Variants in LARGE1 observed in about 807,000 individuals in gnomAD.
LARGE1 encodes LARGE xylosyl- and glucuronyltransferase 1, also known as xylosyl- and glucuronyltransferase LARGE1.
A neutral mutation model predicts 87.6 loss-of-function variants in LARGE1; 43 were observed. The observed-to-expected ratio is 0.49, with a 90% CI of 0.38 to 0.63. LARGE1 has a LOEUF of 0.63. Ranked by LOEUF, LARGE1 falls within the 30% of genes least tolerant of loss-of-function variation. The pLI, the probability that LARGE1 is intolerant of heterozygous loss-of-function variation, is 0.00. For synonymous variants in LARGE1, 434 were observed against 394.6 expected, an observed-to-expected ratio of 1.10 and a Z score of -1.18; for missense variants, 802 against 1,000.2, an observed-to-expected ratio of 0.80 and a Z score of 2.67.
In LARGE1 at chr22:33,785,183, A is replaced by G. The variant is rs1038435928; in HGVS notation, c.-82-23625T>C. Among the ~76,000 whole-genome samples the G allele has an allele frequency of 6.0e-5, 9 of 150,364 alleles. 1 individual carries two copies. The highest frequency in any genetic ancestry group is 2.0e-4 in the African/African-American group (8 of 40,504). ...TATATGTGTATACATACATATGTGT[A>G]TATACATATATGTGTATACATACAT... On this transcript the variant is annotated intron_variant, in intron 1 of 14. Coordinates refer to ENST00000397394, the MANE Select transcript of LARGE1 (RefSeq NM_133642.5).
downstream of LARGE1, among the ~76,000 whole-genome samples, chr22:33,159,935 T>TAAA (rs5845068): frequency 3.8e-4 from 55 of 144,110 alleles, no homozygotes; most frequent in African/African-American, 1.3e-3. Context: ...CTATTAGTGG[T>TAAA]AAAAAAAAAA....
chr22:33,382,124 C>G, intron 8 of LARGE1, 80 bp from the exon 9 acceptor site: 1 of 1,582,968 alleles, frequency 6.3e-7, no homozygotes, highest in Non-Finnish European at 8.6e-7. Context: ...GCACTGCATC[C>G]CCTGTGATAG....
chr22:33,762,586 G>T (rs1200319066), intron 1 of LARGE1, among the ~76,000 whole-genome samples: 1 of 152,120 alleles, frequency 6.6e-6, no homozygotes, highest in Non-Finnish European at 1.5e-5. Context: ...GGAAGAAGAG[G>T]TCCAGAGAAT....
At chr22:33,245,841 G>A (rs5998827) in intron 11 of LARGE1, among the ~76,000 whole-genome samples, 1,524 of 152,212 alleles carry the variant, frequency 0.01, 17 homozygotes, top group African/African-American at 0.033. Context: ...CCTGGGAGGC[G>A]GAGGTTGCAG....
chr22:33,666,766 T>C (rs1054290983), intron 2 of LARGE1, among the ~76,000 whole-genome samples: 1 of 152,086 alleles, frequency 6.6e-6, no homozygotes, highest in Non-Finnish European at 1.5e-5. Flanking sequence ...TACTGATGAG[T>C]AGCTTCAGCT....
At chr22:33,708,082 T>C (rs551675259) in intron 2 of LARGE1, among the ~76,000 whole-genome samples, 2 of 152,246 alleles carry the variant, frequency 1.3e-5, no homozygotes, top group African/African-American at 2.4e-5. Context: ...GAAGGACCCT[T>C]AGGGAAAATT....
intron 1 of LARGE1, among the ~76,000 whole-genome samples, chr22:33,764,675 T>C (rs2084843159): frequency 6.6e-6 from 1 of 152,148 alleles, no homozygotes; most frequent in Admixed American, 6.5e-5. Context: ...GGAAAATCAC[T>C]GGAACCCGGG....
At chr22:33,639,657 G>A (rs185541223) in intron 3 of LARGE1, among the ~76,000 whole-genome samples, 369 of 152,268 alleles carry the variant, frequency 2.4e-3, no homozygotes, top group African/African-American at 8.4e-3. Flanking sequence ...TCCTGTTCAG[G>A]AATTCTGATA....
At chr22:33,514,946 A>C (rs1347455247) in intron 6 of LARGE1, among the ~76,000 whole-genome samples, 2 of 152,156 alleles carry the variant, frequency 1.3e-5, no homozygotes, top group African/African-American at 2.4e-5. Context: ...AGCATGAACC[A>C]GGCACTGTGC....
chr22:33,128,276 A>G, the LARGE1 span, among the ~76,000 whole-genome samples: 1 of 152,188 alleles, frequency 6.6e-6, no homozygotes, highest in East Asian at 1.9e-4. Flanking sequence ...AATAGAAATC[A>G]TTTTATTATA....
At chr22:33,320,494 T>G (rs143254439) in intron 10 of LARGE1, among the ~76,000 whole-genome samples, 1 of 152,316 alleles carries the variant, frequency 6.6e-6, no homozygotes, top group East Asian at 1.9e-4. Context: ...CAACTTAAAC[T>G]GAAATTATTT....
At chr22:33,892,549 G>A (rs955233949) in intron 1 of LARGE1, among the ~76,000 whole-genome samples, 1 of 152,164 alleles carries the variant, frequency 6.6e-6, no homozygotes, top group Non-Finnish European at 1.5e-5. Flanking sequence ...GGCCACAAAT[G>A]CAATCAGCCT....
At chr22:33,678,348 G>T (rs1178138595) in intron 2 of LARGE1, among the ~76,000 whole-genome samples, 1 of 152,130 alleles carries the variant, frequency 6.6e-6, no homozygotes, top group Non-Finnish European at 1.5e-5. Context: ...TAAAGAATTT[G>T]ACCATATATT....
At chr22:33,655,914 G>A (rs2149208017) in intron 2 of LARGE1, among the ~76,000 whole-genome samples, 1 of 152,268 alleles carries the variant, frequency 6.6e-6, no homozygotes, top group East Asian at 1.9e-4. Flanking sequence ...AAGTAGATAA[G>A]TAAGAGCATG....
the LARGE1 span, among the ~76,000 whole-genome samples, chr22:33,147,294 G>C: frequency 6.6e-6 from 1 of 152,120 alleles, no homozygotes; most frequent in Non-Finnish European, 1.5e-5. Context: ...TCTTTGAGTA[G>C]ATGTATGTTT....
At chr22:33,342,310 T>C (rs370017526) in intron 9 of LARGE1, among the ~76,000 whole-genome samples, 1 of 152,156 alleles carries the variant, frequency 6.6e-6, no homozygotes. Flanking sequence ...TTAAACTAAG[T>C]GAAAAGAAGG....
chr22:33,691,821 G>A (rs1012984561), intron 2 of LARGE1, among the ~76,000 whole-genome samples: 3 of 152,132 alleles, frequency 2.0e-5, no homozygotes, highest in Non-Finnish European at 2.9e-5. Flanking sequence ...GCCTAGGAGG[G>A]GTGGACTCTC....
intron 9 of LARGE1, among the ~76,000 whole-genome samples, chr22:33,365,043 C>T (rs928163987): frequency 6.6e-6 from 1 of 152,026 alleles, no homozygotes; most frequent in Non-Finnish European, 1.5e-5. Context: ...TTTAGTTGTA[C>T]TTATTTTTAT....
chr22:33,414,787 A>G (rs2066428319), intron 7 of LARGE1, among the ~76,000 whole-genome samples: 1 of 152,102 alleles, frequency 6.6e-6, no homozygotes, highest in Non-Finnish European at 1.5e-5. Context: ...AGTCCTCAAG[A>G]ATGGGATTTG....
Sources: gnomAD v4.1 joint callset for allele counts (sites outside exome capture counted in the v4.1 genomes callset) on GRCh38, gnomAD v4.1.1 for gene constraint, MANE v1.5 for transcripts, NCBI Gene and HGNC (gene_info 2026-07-23, HGNC 2026-07-21) for gene names.